The following SH3D19 variants were observed in gnomAD, a reference collection of about 807,000 sequenced individuals.
The protein encoded by SH3D19 is SH3 domain containing 19.
A neutral mutation model predicts 112.1 loss-of-function variants in SH3D19; 58 were observed. The ratio of observed to expected loss-of-function variants is 0.52; its 90% confidence interval spans 0.42 to 0.64. The LOEUF is 0.64. Among genes scored for constraint, SH3D19 ranks in the 30% least tolerant of loss-of-function variants. The pLI is 0.00. For missense variants in SH3D19, 1,090 were observed against 1,263.4 expected (o/e 0.86, Z 2.08); for synonymous variants, 391 against 448.5 (o/e 0.87, Z 1.62).
chr4:151,304,759 C>T (rs980938796), intron 1 of SH3D19, among the ~76,000 whole-genome samples: 1 of 152,052 alleles, frequency 6.6e-6, no homozygotes, highest in African/African-American at 2.4e-5. Flanking sequence ...ATCTAGAAGG[C>T]CAACTGTATT....
intron 7 of SH3D19, 46 bp from the exon 8 acceptor site, chr4:151,165,742 C>T (rs1418172803): frequency 3.3e-6 from 5 of 1,509,928 alleles, no homozygotes; most frequent in Non-Finnish European, 4.6e-6. Flanking sequence ...TTAACATGGA[C>T]TGAAACAAAA....
At chr4:151,231,987 C>G (rs1413532390) in intron 1 of SH3D19, among the ~76,000 whole-genome samples, 1 of 152,078 alleles carries the variant, frequency 6.6e-6, no homozygotes, top group South Asian at 2.1e-4. Context: ...AGTTCAAGAC[C>G]AGACTGGCCA....
At chr4:151,147,627 A>C (rs1342353691) in intron 11 of SH3D19, among the ~76,000 whole-genome samples, 1 of 152,096 alleles carries the variant, frequency 6.6e-6, no homozygotes, top group Non-Finnish European at 1.5e-5. Flanking sequence ...ACGCCTGGGT[A>C]ATTTTTTGTA....
intron 1 of SH3D19, among the ~76,000 whole-genome samples, chr4:151,295,648 A>G (rs190975706): frequency 2.6e-5 from 4 of 152,280 alleles, no homozygotes; most frequent in Admixed American, 2.6e-4. Context: ...TACACCTGGA[A>G]TACCTTTCTT....
At chr4:151,297,088 T>C (rs140289291) in intron 1 of SH3D19, among the ~76,000 whole-genome samples, 56 of 152,294 alleles carry the variant, frequency 3.7e-4, no homozygotes, top group African/African-American at 1.2e-3. Flanking sequence ...TTAAAATATA[T>C]TGCTTCAGGA....
At chr4:151,233,719 C>T (rs934342353) in intron 1 of SH3D19, among the ~76,000 whole-genome samples, 4 of 152,248 alleles carry the variant, frequency 2.6e-5, no homozygotes, top group South Asian at 2.1e-4. Flanking sequence ...CATCTTTGTG[C>T]GGAGGGGGAT....
At chr4:151,205,916 G>C (rs1765035409) in intron 2 of SH3D19, among the ~76,000 whole-genome samples, 1 of 152,210 alleles carries the variant, frequency 6.6e-6, no homozygotes. Context: ...CTGGAACTTG[G>C]ACAGTCTGAC....
Position 151,254,932 on chromosome 4 carries a change from G to A in SH3D19, c.113-28846C>T, listed in dbSNP as rs1344102462. Among the ~76,000 whole-genome samples, 18 of 150,004 alleles carry A rather than the reference G, an allele frequency of 1.2e-4. No individual in the cohort carries two copies. In the South Asian group the frequency reaches 2.7e-3, roughly 23 times the overall value. Reference sequence around the variant, plus strand: ...GCGCCCCTCACCTCCCGGGAGGGGCGGCTGGCCAGGCGGGGGGCTGACGCC... The same window carrying A: ...GCGCCCCTCACCTCCCGGGAGGGGCAGCTGGCCAGGCGGGGGGCTGACGCC... On this transcript the variant is annotated intron_variant, in intron 1 of 19. Coordinates refer to ENST00000604030, the MANE Select transcript of SH3D19 (RefSeq NM_001378122.1).
intron 17 of SH3D19, 124 bp downstream of exon 17, chr4:151,132,207 C>G: frequency 1.3e-6 from 1 of 753,688 alleles, no homozygotes. Context: ...GAATTTATTA[C>G]AAACATTTGT....
intron 2 of SH3D19, among the ~76,000 whole-genome samples, chr4:151,219,516 A>G (rs1767686989): frequency 6.6e-6 from 1 of 152,180 alleles, no homozygotes; most frequent in Admixed American, 6.5e-5. Context: ...TGTACTTGGT[A>G]TTTTCAGTCT....
chr4:151,146,835 CTG>C (rs763202127), intron 11 of SH3D19, among the ~76,000 whole-genome samples: 2 of 152,136 alleles, frequency 1.3e-5, no homozygotes, highest in African/African-American at 2.4e-5. Flanking sequence ...CCCAGCAACT[CTG>C]TTTTTTAACT....
chr4:151,203,296 G>A (rs1252027486), intron 2 of SH3D19, among the ~76,000 whole-genome samples: 1 of 152,194 alleles, frequency 6.6e-6, no homozygotes, highest in Admixed American at 6.5e-5. Context: ...GGGGCTACTG[G>A]ATGACTTTCA....
intron 1 of SH3D19, among the ~76,000 whole-genome samples, chr4:151,276,492 A>G (rs548275631): frequency 1.3e-5 from 2 of 152,226 alleles, no homozygotes; most frequent in South Asian, 4.1e-4. Flanking sequence ...GCAGACCCCT[A>G]AGAACGCATC....
Position 151,174,953 on chromosome 4 carries a change from A to C in SH3D19, c.1251T>G (p.Thr417=). The change falls in exon 7 of 20, where the codon ACT becomes ACG. Residue 417 remains threonine (T), a synonymous_variant. Transcript: ENST00000604030. ...TCAGCAGCAAAGGCCGCGGGGCAGG[A>C]GTTGGCACTTTCTTCCCACTATCAG... ...ESSDSGKKVP[T]PAPRPLLLKK... 6.2e-7 allele frequency: 1 copy of C among 1,614,126 alleles called. No homozygotes were observed. The highest frequency in any genetic ancestry group is 8.5e-7 in the Non-Finnish European group (1 of 1,179,966).
intron 9 of SH3D19, among the ~76,000 whole-genome samples, chr4:151,152,780 A>G (rs1413756559): frequency 1.3e-5 from 2 of 151,468 alleles, no homozygotes; most frequent in Non-Finnish European, 2.9e-5. Context: ...CGGACTCCCA[A>G]AGTGCTGGGA....
chr4:151,248,982 TTTC>T (rs1771155354), intron 1 of SH3D19, among the ~76,000 whole-genome samples: 1 of 152,206 alleles, frequency 6.6e-6, no homozygotes, highest in African/African-American at 2.4e-5. Flanking sequence ...ATCTGTTACT[TTTC>T]TTCTTCTACT....
intron 13 of SH3D19, among the ~76,000 whole-genome samples, 157 bp from the exon 14 acceptor site, chr4:151,138,019 C>CT (rs1207526779): frequency 9.2e-5 from 14 of 152,016 alleles, no homozygotes; most frequent in Non-Finnish European, 1.8e-4. Context: ...AAATGCTATT[C>CT]TTTTTTTGGA....
At chr4:151,188,096 A>G (rs1415622438) in intron 2 of SH3D19, among the ~76,000 whole-genome samples, 1 of 152,126 alleles carries the variant, frequency 6.6e-6, no homozygotes, top group Non-Finnish European at 1.5e-5. Flanking sequence ...CCCTCTCCAG[A>G]TACCAGCCTC....
In SH3D19 at chr4:151,148,186, T is replaced by C; in HGVS notation, c.1818A>G (p.Arg606=). The C allele has an allele frequency of 5.0e-6, 8 of 1,596,968 alleles. No individual in the cohort carries two copies. The highest frequency in any genetic ancestry group is 6.0e-6 in the Non-Finnish European group (7 of 1,174,038). The change falls in exon 11 of 20, where the codon AGA becomes AGG. Residue 606 remains arginine (R), a splice_region_variant and synonymous_variant. Transcript: ENST00000604030. ...TTGGAATGGTTTTTCCATTCACAGG[T>C]CTGAAAGTCAATGTAGTAGCCATGA... is the stretch of plus-strand genomic sequence containing the variant. ...FVRVPPRLPP[R]PVNGKTIPTQ...
Sources: gnomAD v4.1 joint callset for allele counts (sites outside exome capture counted in the v4.1 genomes callset) on GRCh38, gnomAD v4.1.1 for gene constraint, MANE v1.5 for transcripts, NCBI Gene and HGNC (gene_info 2026-07-23, HGNC 2026-07-21) for gene names.